SLC45A4: variants seen among roughly 807,000 people sequenced by gnomAD.
SLC45A4 encodes the protein solute carrier family 45 member 4, also known as polyamine-transporter SLC45A4.
SLC45A4 carries 32 observed loss-of-function variants against 63.7 expected under a neutral mutation model. The observed-to-expected ratio is 0.50, with a 90% CI of 0.38 to 0.67. The LOEUF (loss-of-function observed/expected upper bound fraction) is 0.67. Ranked by LOEUF, SLC45A4 falls within the 30% of genes least tolerant of loss-of-function variation. SLC45A4 has a pLI of 0.00. For synonymous variants in SLC45A4, 535 were observed against 510.0 expected (o/e 1.05, Z -0.66); for missense variants, 1,027 against 1,157.7 (o/e 0.89, Z 1.64).
intron 1 of SLC45A4, among the ~76,000 whole-genome samples, chr8:141,301,224 G>C (rs1347285727): frequency 3.9e-5 from 6 of 152,152 alleles, no homozygotes; most frequent in Admixed American, 3.9e-4. Flanking sequence ...CTTTAATTAA[G>C]GCACCTTAAA....
chr8:141,211,741 C>T, intron 8 of SLC45A4, 44 bp from the exon 9 acceptor site: 1 of 1,496,562 alleles, frequency 6.7e-7, no homozygotes, highest in Non-Finnish European at 8.9e-7. Context: ...TCACTGACTA[C>T]ACTACCATTA....
At chr8:141,238,811 C>T (rs1827752919) in intron 2 of SLC45A4, among the ~76,000 whole-genome samples, 1 of 152,130 alleles carries the variant, frequency 6.6e-6, no homozygotes, top group Non-Finnish European at 1.5e-5. Context: ...AGTACAGCTG[C>T]CAGGGGGCCG....
intron 1 of SLC45A4, among the ~76,000 whole-genome samples, chr8:141,304,006 A>C (rs1830824679): frequency 6.6e-6 from 1 of 152,062 alleles, no homozygotes; most frequent in Non-Finnish European, 1.5e-5. Flanking sequence ...GCCCAGCACT[A>C]TTCCCCCCCG....
chr8:141,266,615 G>T (rs1309696554), intron 1 of SLC45A4, among the ~76,000 whole-genome samples: 2 of 152,174 alleles, frequency 1.3e-5, no homozygotes, highest in Admixed American at 1.3e-4. Context: ...TGTGTCAAGG[G>T]AAGAAGACGA....
At chr8:141,281,871 C>A (rs1292234232) in intron 1 of SLC45A4, among the ~76,000 whole-genome samples, 1 of 152,136 alleles carries the variant, frequency 6.6e-6, no homozygotes, top group Admixed American at 6.5e-5. Context: ...AAGTGTTTCG[C>A]ACTGGTTATC....
At chr8:141,245,400 A>C (rs2154614536) in intron 2 of SLC45A4, among the ~76,000 whole-genome samples, 1 of 152,310 alleles carries the variant, frequency 6.6e-6, no homozygotes, top group African/African-American at 2.4e-5. Flanking sequence ...CAGGACTTGA[A>C]TCATCATCAT....
rs546943508 is a variant in SLC45A4, at chr8:141,212,300, G to A, written c.2198C>T (p.Pro733Leu). 6.0e-5 allele frequency: 96 copies of A among 1,608,902 alleles called. No individual in the cohort carries two copies. The highest frequency in any genetic ancestry group is 7.1e-5 in the Non-Finnish European group (84 of 1,176,656). ...ACCGGCCCTGCCTTCGCCGGCCAAC[G>A]GGGAAGACAGGCCTTTCTGCTCCTC... is the stretch of plus-strand genomic sequence containing the variant. Reference protein sequence around the residue: ...AKEEQKGLSSPLAGEGRAGGN... With the variant: ...AKEEQKGLSSLLAGEGRAGGN... The change falls in exon 8 of 9, where the codon CCG becomes CTG. Residue 733 changes from proline (P) to leucine (L), a missense_variant. By Grantham distance (98) the Pro-to-Leu change is moderately conservative (BLOSUM62 -3). Coordinates refer to ENST00000517878, the MANE Select transcript of SLC45A4 (RefSeq NM_001286646.2).
intron 2 of SLC45A4, chr8:141,228,393 G>C: frequency 6.7e-7 from 1 of 1,487,758 alleles, no homozygotes; most frequent in Non-Finnish European, 8.9e-7. Context: ...CCAGACCCAA[G>C]CAGGACGCTG....
intron 1 of SLC45A4, among the ~76,000 whole-genome samples, chr8:141,299,037 G>T (rs987446541): frequency 8.4e-6 from 1 of 119,012 alleles, no homozygotes; most frequent in East Asian, 6.1e-4. Flanking sequence ...CTGGGCGCCC[G>T]GCACGGATGC....
chr8:141,244,953 T>TGGGGGGGGGGGGGGGGGGG (rs1332452740), intron 2 of SLC45A4, among the ~76,000 whole-genome samples: 4 of 27,756 alleles, frequency 1.4e-4, no homozygotes, highest in African/African-American at 3.2e-4. Context: ...CAAGAAGACG[T>TGGGGGGGGGGGGGGGGGGG]GGGTGGGGGG....
chr8:141,253,937 C>G, intron 2 of SLC45A4, 52 bp downstream of exon 2: 1 of 1,527,666 alleles, frequency 6.5e-7, no homozygotes, highest in Non-Finnish European at 8.8e-7. Context: ...CACGCCCAGT[C>G]CGCTAGCACT....
chr8:141,271,737 C>T (rs1450348789), intron 1 of SLC45A4, among the ~76,000 whole-genome samples: 2 of 152,248 alleles, frequency 1.3e-5, no homozygotes, highest in Non-Finnish European at 2.9e-5. Flanking sequence ...TTCACCAACA[C>T]TCTTCCTGAC....
Position 141,209,807 on chromosome 8 carries a change from G to C in SLC45A4, c.*1765C>G, listed in dbSNP as rs1825710090. 1 of 152,232 alleles carries C rather than the reference G, an allele frequency of 6.6e-6. No individual in the cohort carries two copies. 9.4% of individuals were successfully genotyped at this position (152,232 alleles called of 1,614,324 possible). On this transcript the variant is annotated 3_prime_UTR_variant, in exon 9 of 9. Transcript: ENST00000517878. ...AGATTAGTCGAGGCTGGGATCTCAA[G>C]GGTTAACACACTATTCAGAGGGGGG...
intron 1 of SLC45A4, among the ~76,000 whole-genome samples, chr8:141,272,132 A>AT (rs892702994): frequency 6.6e-6 from 1 of 152,234 alleles, no homozygotes; most frequent in Non-Finnish European, 1.5e-5. Context: ...TCTTTCAAAA[A>AT]TTTTCATTTT....
chr8:141,218,394 G>T lies in SLC45A4; in HGVS notation c.1246C>A (p.Arg416=). 6.2e-7 allele frequency: 1 copy of T among 1,608,722 alleles called. No individual in the cohort carries two copies. The change falls in exon 5 of 9, where the codon CGG becomes AGG. Residue 416 remains arginine (R), a synonymous_variant. Transcript: ENST00000517878. ...GAGGCCTGCCTGCGGAACGCGTGCC[G>T]CCGCCGCCGCATGGAGCTCGACGTG... is the stretch of plus-strand genomic sequence containing the variant. ...SATSSSMRRR[R]HAFRRQASST... is the part of the protein sequence containing the mutation.
chr8:141,295,534 G>A (rs997555637), intron 1 of SLC45A4, among the ~76,000 whole-genome samples: 4 of 152,210 alleles, frequency 2.6e-5, no homozygotes, highest in African/African-American at 9.7e-5. Context: ...AATCCCTTCT[G>A]CAATGACGTG....
intron 1 of SLC45A4, among the ~76,000 whole-genome samples, chr8:141,264,343 G>A (rs559064055): frequency 2.0e-5 from 3 of 152,210 alleles, no homozygotes; most frequent in South Asian, 2.1e-4. Flanking sequence ...ACCAAATGTC[G>A]GCGTGCACTT....
intron 2 of SLC45A4, chr8:141,228,069 A>C: frequency 7.5e-7 from 1 of 1,328,354 alleles, no homozygotes; most frequent in Non-Finnish European, 1.1e-6. Flanking sequence ...CCCTGAGGGG[A>C]GAGCTGTGTG....
At chr8:141,267,519 G>A (rs1286355980) in intron 1 of SLC45A4, among the ~76,000 whole-genome samples, 3 of 152,220 alleles carry the variant, frequency 2.0e-5, no homozygotes, top group African/African-American at 7.2e-5. Context: ...TGTGTGAGAT[G>A]GATTCTTATT....
Sources: gnomAD v4.1 joint callset for allele counts (sites outside exome capture counted in the v4.1 genomes callset) on GRCh38, gnomAD v4.1.1 for gene constraint, MANE v1.5 for transcripts, NCBI Gene and HGNC (gene_info 2026-07-23, HGNC 2026-07-21) for gene names.